SIRT4: variants seen among roughly 807,000 people sequenced by gnomAD.
The protein encoded by SIRT4 is sirtuin 4, also known as NAD-dependent protein lipoamidase sirtuin-4, mitochondrial.
Under a neutral mutation model 26.1 loss-of-function variants are expected in SIRT4, and 23 were observed. That is an observed-to-expected ratio of 0.88 (90% CI 0.63 to 1.25). SIRT4 has a LOEUF of 1.25. SIRT4 is among the 50% of genes most tolerant of loss of function. The pLI, the probability that SIRT4 is intolerant of heterozygous loss-of-function variation, is 0.00. For synonymous variants in SIRT4, 155 were observed against 158.4 expected (o/e 0.98, Z 0.16); for missense variants, 361 against 405.4 (o/e 0.89, Z 0.94).
chr12:120,305,161 C>T (rs1454057617), intron 2 of SIRT4, among the ~76,000 whole-genome samples: 6 of 150,176 alleles, frequency 4.0e-5, no homozygotes, highest in Non-Finnish European at 7.4e-5. Flanking sequence ...AGCAAAACTC[C>T]GTCTCAAAAA....
chr12:120,303,307 C>T (rs1649383148), intron 1 of SIRT4, among the ~76,000 whole-genome samples: 1 of 151,538 alleles, frequency 6.6e-6, no homozygotes, highest in South Asian at 2.1e-4. Context: ...TGGTGAAACC[C>T]TGCCTCTACT....
In SIRT4 at chr12:120,306,367, C is replaced by T. The variant is rs78314854; in HGVS notation, c.497+2309C>T. ...GTGCATGCCTGTAATCCTAGCGACT[C>T]GGGAGGCTTAGACAGGAGAATAGCT... On this transcript the variant is annotated intron_variant, in intron 2 of 3. Coordinates refer to ENST00000202967, the MANE Select transcript of SIRT4 (RefSeq NM_012240.3). Among the ~76,000 whole-genome samples the T allele has an allele frequency of 7.8e-3, 1,178 of 151,574 alleles. 21 individuals carry two copies. The highest frequency in any genetic ancestry group is 0.059 in the East Asian group (304 of 5,150).
At chr12:120,299,146 G>A (rs1872451869), upstream of SIRT4, among the ~76,000 whole-genome samples, 1 of 150,860 alleles carries the variant, frequency 6.6e-6, no homozygotes, top group Non-Finnish European at 1.5e-5. Context: ...GCGTGAACCC[G>A]GGAGGCGGAG....
chr12:120,308,497 G>C (rs1390177091), intron 2 of SIRT4, among the ~76,000 whole-genome samples: 1 of 152,110 alleles, frequency 6.6e-6, no homozygotes, highest in East Asian at 1.9e-4. Context: ...TGGGTACAGG[G>C]GGCTTGAGAT....
chr12:120,309,714 CT>C (rs564627080), intron 2 of SIRT4, among the ~76,000 whole-genome samples: 6,648 of 111,078 alleles, frequency 0.06, 189 homozygotes, highest in Admixed American at 0.14. Context: ...TGCCCGCTTT[CT>C]TTTTTTTTTT....
At chr12:120,292,130 A>T in the SIRT4 span, among the ~76,000 whole-genome samples, 1 of 152,248 alleles carries the variant, frequency 6.6e-6, no homozygotes, top group South Asian at 2.1e-4. Context: ...ATCTTATGCA[A>T]ATCAACGTGA....
chr12:120,301,814 C>CTAT (rs1198460188), upstream of SIRT4, among the ~76,000 whole-genome samples: 5 of 152,128 alleles, frequency 3.3e-5, no homozygotes, highest in East Asian at 7.7e-4. Flanking sequence ...TGGCTCACGC[C>CTAT]TATAATCCCA....
rs746858573 is a variant in SIRT4, at chr12:120,312,967, G to A, written c.876G>A (p.Ser292=). 10 of 1,614,028 alleles carry A rather than the reference G, an allele frequency of 6.2e-6. No individual in the cohort carries two copies. In the African/African-American group the frequency reaches 6.7e-5, roughly 11 times the overall value. Residue 292 remains serine, a synonymous_variant, in exon 4 of 4, where the codon TCG becomes TCA. Coordinates refer to ENST00000202967, the MANE Select transcript of SIRT4 (RefSeq NM_012240.3). ...IAILNIGPTR[S]DDLACLKLNS... Reference sequence around the variant, plus strand: ...TACTGAACATTGGGCCCACACGGTCGGATGACTTGGCGTGTCTGAAACTGA... The same window carrying A: ...TACTGAACATTGGGCCCACACGGTCAGATGACTTGGCGTGTCTGAAACTGA...
chr12:120,292,523 G>C, the SIRT4 span, among the ~76,000 whole-genome samples: 4 of 152,358 alleles, frequency 2.6e-5, no homozygotes, highest in Admixed American at 2.6e-4. Context: ...AGAATCGCTT[G>C]AACCCGGGCG....
At chr12:120,302,268 A>G (rs1872575837), upstream of SIRT4, 1 of 152,088 alleles carries the variant, frequency 6.6e-6, no homozygotes. Flanking sequence ...GGATTGTGGG[A>G]CTTGTGGTTT....
At chr12:120,308,169 T>G (rs1872818162) in intron 2 of SIRT4, among the ~76,000 whole-genome samples, 1 of 147,660 alleles carries the variant, frequency 6.8e-6, no homozygotes, top group Non-Finnish European at 1.5e-5. Context: ...AGAAAGCTTT[T>G]TTTTTTTTTT....
chr12:120,305,670 G>A (rs68012838), intron 2 of SIRT4, among the ~76,000 whole-genome samples: 58,946 of 151,970 alleles, frequency 0.39, 13,564 homozygotes, highest in South Asian at 0.54. Flanking sequence ...GGAGGCTTCC[G>A]TGGGCAGAGA....
chr12:120,308,193 C>G (rs117176091), intron 2 of SIRT4, among the ~76,000 whole-genome samples: 8,430 of 111,404 alleles, frequency 0.076, 369 homozygotes, highest in Admixed American at 0.19. Flanking sequence ...TTTTGAAACA[C>G]AGTCTTGTTC....
the SIRT4 span, among the ~76,000 whole-genome samples, chr12:120,295,367 A>G: frequency 1.4e-5 from 2 of 147,308 alleles, no homozygotes; most frequent in South Asian, 4.2e-4. Flanking sequence ...GGTATGCGCC[A>G]CCATGCCTGG....
Position 120,304,381 on chromosome 12 carries a change from G to A in SIRT4, c.497+323G>A, listed in dbSNP as rs187857074. Among the ~76,000 whole-genome samples, 296 of 152,300 alleles carry A rather than the reference G, an allele frequency of 1.9e-3. 8 individuals carry two copies. In the South Asian group the frequency reaches 0.039, roughly 20 times the overall value. On this transcript the variant is annotated intron_variant, in intron 2 of 3. Transcript: ENST00000202967. Reference sequence around the variant, plus strand: ...CTTGAGGACTGGGGCCGGGCGCAGTGGCTCACGCCTGTAATCCCAGCATTT... The same window carrying A: ...CTTGAGGACTGGGGCCGGGCGCAGTAGCTCACGCCTGTAATCCCAGCATTT...
Position 120,313,009 on chromosome 12 carries a change from G to C in SIRT4, c.918G>C (p.Glu306Asp). ...ACLKLNSRCGELLPLIDPC is the reference protein window; with the variant it reads ...ACLKLNSRCGDLLPLIDPC Reference sequence around the variant, plus strand: ...TGAAACTGAATTCTCGTTGTGGAGAGTTGCTGCCTTTGATAGACCCATGCT... The same window carrying C: ...TGAAACTGAATTCTCGTTGTGGAGACTTGCTGCCTTTGATAGACCCATGCT... Residue 306 changes from glutamate (E) to aspartate (D), a missense_variant, in exon 4 of 4, where the codon GAG becomes GAC. Physicochemically the swap from Glu to Asp is conservative, Grantham distance 45 (BLOSUM62 2). Coordinates refer to ENST00000202967, the MANE Select transcript of SIRT4 (RefSeq NM_012240.3). The C allele has an allele frequency of 6.2e-7, 1 of 1,614,156 alleles. No individual in the cohort carries two copies.
chr12:120,311,561 G>A (rs1304599684), intron 2 of SIRT4, among the ~76,000 whole-genome samples: 7 of 149,712 alleles, frequency 4.7e-5, no homozygotes, highest in African/African-American at 9.8e-5. Flanking sequence ...GAGAAACCCC[G>A]TCTCTACTAA....
At chr12:120,302,033 C>CA (rs34360814), upstream of SIRT4, among the ~76,000 whole-genome samples, 1,642 of 94,946 alleles carry the variant, frequency 0.017, 53 homozygotes, top group African/African-American at 0.046. Flanking sequence ...GGAGTTTTTT[C>CA]AAAAAAAAAA....
intron 2 of SIRT4, among the ~76,000 whole-genome samples, chr12:120,307,813 G>A (rs182304123): frequency 2.0e-4 from 31 of 152,094 alleles, no homozygotes; most frequent in Admixed American, 7.2e-4. Context: ...AGCTGAAATC[G>A]CACCATTGCA....
Sources: gnomAD v4.1 joint callset for allele counts (sites outside exome capture counted in the v4.1 genomes callset) on GRCh38, gnomAD v4.1.1 for gene constraint, MANE v1.5 for transcripts, NCBI Gene and HGNC (gene_info 2026-07-23, HGNC 2026-07-21) for gene names.